FRAS1: variants seen among roughly 807,000 people sequenced by gnomAD.
FRAS1 encodes Fraser extracellular matrix complex subunit 1.
In FRAS1, 290 loss-of-function variants were observed where a neutral mutation model predicts 435.2. The ratio of observed to expected loss-of-function variants is 0.67; its 90% CI spans 0.61 to 0.73. The LOEUF (loss-of-function observed/expected upper bound fraction) is 0.73, where lower values mean the gene tolerates loss of function less well. Among genes scored for constraint, FRAS1 ranks in the 30% least tolerant of loss-of-function variants. FRAS1 has a pLI of 0.00. For missense variants in FRAS1, 4,860 were observed against 5,001.5 expected, an observed-to-expected ratio of 0.97 and a Z score of 0.85; for synonymous variants, 1,800 against 1,851.0, an observed-to-expected ratio of 0.97 and a Z score of 0.71.
intron 26 of FRAS1, chr4:78,379,198 T>C (rs989694948): frequency 2.0e-5 from 3 of 153,368 alleles, no homozygotes; most frequent in African/African-American, 7.2e-5. Context: ...GAGGGGAACA[T>C]GTCTGAGTCA....
chr4:78,429,729 G>A (rs1734139023), intron 36 of FRAS1, among the ~76,000 whole-genome samples: 1 of 152,180 alleles, frequency 6.6e-6, no homozygotes, highest in South Asian at 2.1e-4. Flanking sequence ...CTAATAAACA[G>A]TAGGTATTGT....
At chr4:78,225,109 T>A (rs927269945) in intron 2 of FRAS1, among the ~76,000 whole-genome samples, 1 of 152,150 alleles carries the variant, frequency 6.6e-6, no homozygotes, top group Non-Finnish European at 1.5e-5. Flanking sequence ...GGTCTGAGGA[T>A]GGATGTCTGA....
At chr4:78,451,277 G>A (rs1028965569) in intron 45 of FRAS1, among the ~76,000 whole-genome samples, 2 of 152,152 alleles carry the variant, frequency 1.3e-5, no homozygotes, top group Non-Finnish European at 2.9e-5. Context: ...TGAGTTCTAT[G>A]TGGAGTTTAT....
intron 3 of FRAS1, 50 bp downstream of exon 3, chr4:78,237,667 G>A: frequency 9.4e-7 from 1 of 1,067,522 alleles, no homozygotes; most frequent in Non-Finnish European, 1.3e-6. Context: ...TCAGTGAAGG[G>A]TCAGGTTTTT....
Position 78,086,958 on chromosome 4 carries a change from G to C in FRAS1, c.108+20942G>C, listed in dbSNP as rs550344073. On this transcript the variant is annotated intron_variant, in intron 2 of 73. Transcript: ENST00000512123. The stretch of plus-strand genomic sequence containing the variant: ...ATCATCCTGATACCAAAGCCTGGCA[G>C]AGACACAACCAAAAAAAGAGAATTT... Among the ~76,000 whole-genome samples, 17 of 152,234 alleles carry C rather than the reference G, an allele frequency of 1.1e-4. No homozygotes were observed. The South Asian group carries it at 3.5e-3, about 32-fold the overall frequency.
chr4:78,538,638 C>G (rs1408999830), intron 72 of FRAS1, among the ~76,000 whole-genome samples: 3 of 152,090 alleles, frequency 2.0e-5, no homozygotes, highest in African/African-American at 7.2e-5. Flanking sequence ...AAGTGCCGAG[C>G]AGAGGGGAAA....
At chr4:78,414,978 G>C (rs529805156) in intron 32 of FRAS1, among the ~76,000 whole-genome samples, 9 of 152,158 alleles carry the variant, frequency 5.9e-5, no homozygotes, top group Non-Finnish European at 1.2e-4. Context: ...GCTTCCTCTG[G>C]GGGTGAACAG....
intron 14 of FRAS1, among the ~76,000 whole-genome samples, chr4:78,289,664 A>G (rs72864577): frequency 0.019 from 2,830 of 151,964 alleles, 57 homozygotes; most frequent in African/African-American, 0.051. Context: ...TGCCCATCCT[A>G]CCCCACTCTT....
At chr4:78,123,257 T>C (rs1719131598) in intron 2 of FRAS1, among the ~76,000 whole-genome samples, 2 of 152,244 alleles carry the variant, frequency 1.3e-5, no homozygotes, top group African/African-American at 2.4e-5. Context: ...TGCTTTTATG[T>C]GTCAGGTTTG....
chr4:78,196,207 C>T (rs1184577901), intron 2 of FRAS1, among the ~76,000 whole-genome samples: 1 of 152,080 alleles, frequency 6.6e-6, no homozygotes, highest in African/African-American at 2.4e-5. Flanking sequence ...TGGGGTTTCA[C>T]CGTGTTAGCC....
rs34358014 is a variant in FRAS1, at chr4:78,301,492, CAT to C, written c.1535-6573_1535-6572del. ...GCAAGCTTTGTGAGTTCTTAAGACA[CAT>C]GTGTAGGACAGATAATACTGGGGGG... On this transcript the variant is annotated intron_variant, in intron 14 of 73. Transcript: ENST00000512123. Among the ~76,000 whole-genome samples, 898 of 152,120 alleles carry C rather than the reference CAT, an allele frequency of 5.9e-3. 9 individuals carry two copies. Among genetic ancestry groups the C allele is most frequent in the African/African-American group, 0.02 (838 of 41,472 alleles).
intron 71 of FRAS1, among the ~76,000 whole-genome samples, chr4:78,535,546 CA>C (rs548874558): frequency 1.2e-3 from 179 of 152,262 alleles, no homozygotes; most frequent in African/African-American, 3.7e-3. Context: ...GTGCCCCAAC[CA>C]AAAATCTCAG....
At position 78,116,229 on chromosome 4, in the gene FRAS1, C is replaced by T. The variant is rs943794852; in HGVS notation, c.108+50213C>T. ...ATAATGTCTGTTCTTTTACATTTGC[C>T]AAGGAGTGCTTTACTTCCAACTATG... On this transcript the variant is annotated intron_variant, in intron 2 of 73. Coordinates refer to ENST00000512123, the MANE Select transcript of FRAS1 (RefSeq NM_025074.7). Among the ~76,000 whole-genome samples the T allele has an allele frequency of 4.6e-5, 7 of 152,118 alleles. No homozygotes were observed. In the East Asian group the frequency reaches 5.8e-4, roughly 13 times the overall value.
At chr4:78,118,639 T>C (rs1254546126) in intron 2 of FRAS1, among the ~76,000 whole-genome samples, 2 of 152,184 alleles carry the variant, frequency 1.3e-5, no homozygotes, top group African/African-American at 4.8e-5. Context: ...TACAATCTCC[T>C]GGTGTGCCAT....
At chr4:78,143,557 C>CA (rs1720279250) in intron 2 of FRAS1, among the ~76,000 whole-genome samples, 1 of 151,694 alleles carries the variant, frequency 6.6e-6, no homozygotes, top group African/African-American at 2.4e-5. Flanking sequence ...GTACTGTTGC[C>CA]AAAAATGAAT....
intron 3 of FRAS1, among the ~76,000 whole-genome samples, chr4:78,241,665 A>G (rs1725009034): frequency 6.6e-6 from 1 of 152,118 alleles, no homozygotes; most frequent in African/African-American, 2.4e-5. Flanking sequence ...GGGTTGAAAG[A>G]CTGGAAGGTA....
intron 2 of FRAS1, among the ~76,000 whole-genome samples, chr4:78,199,075 G>A (rs1722943083): frequency 1.3e-5 from 2 of 152,088 alleles, no homozygotes; most frequent in African/African-American, 2.4e-5. Context: ...GGTCAAATGT[G>A]TATTGAAACT....
intron 14 of FRAS1, among the ~76,000 whole-genome samples, chr4:78,302,971 T>C (rs1728493975): frequency 6.6e-6 from 1 of 152,162 alleles, no homozygotes; most frequent in Non-Finnish European, 1.5e-5. Flanking sequence ...GGTTTTCTTC[T>C]AGGGTTTTTA....
intron 2 of FRAS1, among the ~76,000 whole-genome samples, chr4:78,184,383 A>C (rs1245754810): frequency 6.6e-6 from 1 of 152,236 alleles, no homozygotes; most frequent in Non-Finnish European, 1.5e-5. Context: ...CTGAAATTTG[A>C]ATTACATAAA....
Sources: allele counts gnomAD v4.1 joint callset (sites outside exome capture counted in the v4.1 genomes callset), GRCh38; gene constraint gnomAD v4.1.1; transcripts MANE v1.5; gene names NCBI Gene and HGNC (gene_info 2026-07-23, HGNC 2026-07-21).